The following PRPF19 variants were observed in gnomAD, a reference collection of about 807,000 sequenced individuals.
The protein encoded by PRPF19 is pre-mRNA processing factor 19.
Under a neutral mutation model 64.2 loss-of-function variants are expected in PRPF19, and 2 were observed. The observed-to-expected ratio is 0.03, with a 90% CI of 0.01 to 0.10. PRPF19 has a LOEUF of 0.10. Among genes scored for constraint, PRPF19 ranks in the 10% least tolerant of loss-of-function variants. The pLI is 1.00. For missense variants in PRPF19, 314 were observed against 650.0 expected (o/e 0.48, Z 5.62); for synonymous variants, 226 against 251.6 (o/e 0.90, Z 0.96).
At chr11:60,905,077 G>T (rs144034676) in intron 1 of PRPF19, among the ~76,000 whole-genome samples, 1 of 152,112 alleles carries the variant, frequency 6.6e-6, no homozygotes, top group African/African-American at 2.4e-5. Flanking sequence ...TGGCACATTT[G>T]CATGGCACAT....
chr11:60,897,162 T>G (rs1855931373), intron 15 of PRPF19, among the ~76,000 whole-genome samples: 1 of 152,226 alleles, frequency 6.6e-6, no homozygotes, highest in African/African-American at 2.4e-5. Context: ...AGTGTACCAT[T>G]TTAAAAAAAT....
At chr11:60,901,612 C>T in intron 6 of PRPF19, 72 bp from the exon 7 acceptor site, 1 of 1,561,140 alleles carries the variant, frequency 6.4e-7, no homozygotes, top group African/African-American at 1.4e-5. Context: ...GCTGGTCACA[C>T]CTGTGCTTTC....
chr11:60,899,065 T>C lies in PRPF19; in HGVS notation c.984+84A>G, dbSNP rs1484328709. 5 of 1,522,868 alleles carry C rather than the reference T, an allele frequency of 3.3e-6. No homozygotes were observed. In the African/African-American group the frequency reaches 4.1e-5, roughly 13 times the overall value. 94.3% of individuals were successfully genotyped at this position (1,522,868 alleles called of 1,614,324 possible). A position where few individuals can be genotyped will look rare whatever the true frequency, so the allele number is the denominator to read the frequency against. ...TCCTTTGAGGTTCTGGGGAACCAGC[T>C]GGGGTGGGAAGATGTTCCTGCCACC... is the stretch of plus-strand genomic sequence containing the variant. On this transcript the variant is annotated intron_variant, in intron 11 of 15. Transcript: ENST00000227524.
intron 6 of PRPF19, among the ~76,000 whole-genome samples, 196 bp from the exon 7 acceptor site, chr11:60,901,736 T>C (rs1474476967): frequency 6.6e-6 from 1 of 152,222 alleles, no homozygotes; most frequent in Non-Finnish European, 1.5e-5. Flanking sequence ...GACCTTATTT[T>C]ACAGCTGAGG....
intron 1 of PRPF19, among the ~76,000 whole-genome samples, chr11:60,904,234 T>C (rs907368943): frequency 6.6e-6 from 1 of 152,238 alleles, no homozygotes; most frequent in Non-Finnish European, 1.5e-5. Context: ...GAGATACACA[T>C]GAAGCCATTC....
At position 60,898,562 on chromosome 11, in the gene PRPF19, C is replaced by T. The variant is rs572955026; in HGVS notation, c.1119G>A (p.Gln373=). 6.2e-7 allele frequency: 1 copy of T among 1,614,150 alleles called. No individual in the cohort carries two copies. Among genetic ancestry groups the T allele is most frequent in the South Asian group, 1.1e-5 (1 of 91,052 alleles). ...LIFGTGTMDS[Q]IKIWDLKERT... is the part of the protein sequence containing the mutation. Reference sequence around the variant, plus strand: ...CTACCTTCAAGTCCCAGATCTTGATCTGAGAGTCCATGGTTCCTGTTCCAA... The same window carrying T: ...CTACCTTCAAGTCCCAGATCTTGATTTGAGAGTCCATGGTTCCTGTTCCAA... Residue 373 remains glutamine, a synonymous_variant, in exon 13 of 16, where the codon CAG becomes CAA. Coordinates refer to ENST00000227524, the MANE Select transcript of PRPF19 (RefSeq NM_014502.5). This position sits in a 1 kb window ranked among gnomAD's most constrained non-coding sequence, Gnocchi z 4.6.
Position 60,898,291 on chromosome 11 carries a change from T to C in PRPF19, c.1141-20A>G, listed in dbSNP as rs780413317. 4.3e-6 allele frequency: 7 copies of C among 1,610,422 alleles called. No individual in the cohort carries two copies. In the East Asian group the frequency reaches 1.3e-4, roughly 31 times the overall value. ...ACGTTCCTACAGTGGCGGTGGGTAG[T>C]AAAATACGTCACCCACAGATCATGA... On this transcript the variant is annotated intron_variant, in intron 13 of 15. Coordinates refer to ENST00000227524, the MANE Select transcript of PRPF19 (RefSeq NM_014502.5). This position sits in a 1 kb window ranked among gnomAD's most constrained non-coding sequence, Gnocchi z 4.6.
intron 15 of PRPF19, chr11:60,897,432 T>C (rs1385445712): frequency 6.1e-6 from 1 of 163,686 alleles, no homozygotes; most frequent in Non-Finnish European, 1.3e-5. Flanking sequence ...TCAGAACATA[T>C]CCCCATTATT....
At chr11:60,891,587 T>C (rs1435873559) in intron 15 of PRPF19, among the ~76,000 whole-genome samples, 1 of 152,210 alleles carries the variant, frequency 6.6e-6, no homozygotes, top group Non-Finnish European at 1.5e-5. Context: ...TGCTCACTAC[T>C]TGCTCGTAAG....
chr11:60,901,390 C>A, intron 7 of PRPF19, 21 bp from the exon 8 acceptor site: 2 of 1,614,168 alleles, frequency 1.2e-6, no homozygotes, highest in Non-Finnish European at 1.7e-6. Context: ...GAAAAGCCCC[C>A]AAAGAAGAGC....
intron 9 of PRPF19, 46 bp from the exon 10 acceptor site, chr11:60,900,737 G>A (rs549140900): frequency 6.4e-7 from 1 of 1,564,628 alleles, no homozygotes; most frequent in Non-Finnish European, 8.7e-7. Context: ...GGCCCACCCA[G>A]GCCCTTTTGC....
chr11:60,903,238 C>A (rs980985723), intron 3 of PRPF19, among the ~76,000 whole-genome samples: 1 of 152,120 alleles, frequency 6.6e-6, no homozygotes, highest in Non-Finnish European at 1.5e-5. Context: ...GCCAGACAGT[C>A]CTGCAGGATG....
intron 1 of PRPF19, among the ~76,000 whole-genome samples, chr11:60,904,336 C>T (rs1017615818): frequency 6.6e-6 from 1 of 152,226 alleles, no homozygotes; most frequent in African/African-American, 2.4e-5. Context: ...AACTCAGTTT[C>T]TCCTATTCTC....
At position 60,898,560 on chromosome 11, in the gene PRPF19, A is replaced by G. The variant is rs1324231219; in HGVS notation, c.1121T>C (p.Ile374Thr). 1 of 1,614,118 alleles carries G rather than the reference A, an allele frequency of 6.2e-7. No individual in the cohort carries two copies. Among genetic ancestry groups the G allele is most frequent in the Admixed American group, 1.7e-5 (1 of 60,018 alleles). Residue 374 changes from isoleucine to threonine, a missense_variant, in exon 13 of 16, where the codon ATC becomes ACC. By Grantham distance (89) the Ile-to-Thr change is moderately conservative (BLOSUM62 -1). Transcript: ENST00000227524. The surrounding 1 kb of genome is among the most constrained non-coding windows in gnomAD (Gnocchi z 4.6). ...IFGTGTMDSQ[I>T]KIWDLKERTN... Reference sequence around the variant, plus strand: ...TCCTACCTTCAAGTCCCAGATCTTGATCTGAGAGTCCATGGTTCCTGTTCC... The same window carrying G: ...TCCTACCTTCAAGTCCCAGATCTTGGTCTGAGAGTCCATGGTTCCTGTTCC...
At position 60,898,505 on chromosome 11, in the gene PRPF19, G is replaced by A; in HGVS notation, c.1140+36C>T. 1 of 1,613,760 alleles carries A rather than the reference G, an allele frequency of 6.2e-7. No individual in the cohort carries two copies. Among genetic ancestry groups the A allele is most frequent in the Non-Finnish European group, 8.5e-7 (1 of 1,179,944 alleles). On this transcript the variant is annotated intron_variant, in intron 13 of 15. Transcript: ENST00000227524. This position sits in a 1 kb window ranked among gnomAD's most constrained non-coding sequence, Gnocchi z 4.6. ...TGCATTGTCACAAACACTCCCTCTGGCCCTGGGCCTCAGATGGAGGCCTAC... is the reference window on the plus strand; with the variant it reads ...TGCATTGTCACAAACACTCCCTCTGACCCTGGGCCTCAGATGGAGGCCTAC...
At chr11:60,900,244 G>A (rs950340666) in intron 10 of PRPF19, among the ~76,000 whole-genome samples, 1 of 152,118 alleles carries the variant, frequency 6.6e-6, no homozygotes, top group Admixed American at 6.5e-5. Flanking sequence ...TGTCCTCCTC[G>A]TAAGTGTGAG....
At position 60,898,956 on chromosome 11, in the gene PRPF19, G is replaced by A; in HGVS notation, c.985-25C>T. 1 of 1,567,922 alleles carries A rather than the reference G, an allele frequency of 6.4e-7. No individual in the cohort carries two copies. The highest frequency in any genetic ancestry group is 8.7e-7 in the Non-Finnish European group (1 of 1,152,998). On this transcript the variant is annotated intron_variant, in intron 11 of 15. Coordinates refer to ENST00000227524, the MANE Select transcript of PRPF19 (RefSeq NM_014502.5). The surrounding 1 kb of genome is among the most constrained non-coding windows in gnomAD (Gnocchi z 4.6). ...ACTGGGGAAAAAAAAAGAGACAATG[G>A]AGTCAGTGAGAAAGTGGGTCCCAGG...
intron 6 of PRPF19, among the ~76,000 whole-genome samples, chr11:60,901,983 T>C (rs1406573078): frequency 1.3e-5 from 2 of 152,126 alleles, no homozygotes; most frequent in Non-Finnish European, 2.9e-5. Flanking sequence ...GATGTGTCTT[T>C]CATCTGCAAA....
Position 60,898,360 on chromosome 11 carries a change from C to A in PRPF19, c.1141-89G>T. ...CACCAAACTCCTACCTGAGATGTCCCTCACGTCCTTCCAGGAAGGACAGCC... is the reference window on the plus strand; with the variant it reads ...CACCAAACTCCTACCTGAGATGTCCATCACGTCCTTCCAGGAAGGACAGCC... On this transcript the variant is annotated intron_variant, in intron 13 of 15. Transcript: ENST00000227524. This position sits in a 1 kb window ranked among gnomAD's most constrained non-coding sequence, Gnocchi z 4.6. 6.5e-7 allele frequency: 1 copy of A among 1,536,990 alleles called. No individual in the cohort carries two copies. Among genetic ancestry groups the A allele is most frequent in the Non-Finnish European group, 8.8e-7 (1 of 1,136,282 alleles).
Sources: gnomAD v4.1 joint callset for allele counts (sites outside exome capture counted in the v4.1 genomes callset) on GRCh38, gnomAD v4.1.1 for gene constraint, Gnocchi (gnomAD v3.1) non-coding constraint, MANE v1.5 for transcripts, NCBI Gene and HGNC (gene_info 2026-07-23, HGNC 2026-07-21) for gene names.